Variants in PTPRK observed in about 807,000 individuals in gnomAD.
PTPRK encodes the protein protein tyrosine phosphatase receptor type K, also known as receptor-type tyrosine-protein phosphatase kappa.
In PTPRK, 75 loss-of-function variants were observed where a neutral mutation model predicts 178.0. The observed-to-expected ratio is 0.42, with a 90% CI of 0.35 to 0.51. PTPRK has a LOEUF of 0.51. PTPRK is among the 20% of genes least tolerant of loss of function. The pLI, the probability that PTPRK is intolerant of heterozygous loss-of-function variation, is 0.02. For synonymous variants in PTPRK, 637 were observed against 620.6 expected (o/e 1.03, Z -0.39); for missense variants, 1,441 against 1,797.8 (o/e 0.80, Z 3.59).
chr6:128,167,611 A>C (rs1799610196), intron 7 of PTPRK, among the ~76,000 whole-genome samples: 1 of 152,026 alleles, frequency 6.6e-6, no homozygotes, highest in Non-Finnish European at 1.5e-5. Context: ...AATTTCCTAT[A>C]AAAATAATTC....
intron 7 of PTPRK, among the ~76,000 whole-genome samples, chr6:128,093,320 A>G (rs1787310086): frequency 6.6e-6 from 1 of 152,130 alleles, no homozygotes; most frequent in Admixed American, 6.6e-5. Context: ...GATGCTGGGC[A>G]TGGTGGCTCA....
intron 7 of PTPRK, among the ~76,000 whole-genome samples, chr6:128,101,824 C>T (rs1788838808): frequency 6.6e-6 from 1 of 152,166 alleles, no homozygotes; most frequent in African/African-American, 2.4e-5. Flanking sequence ...GTACCATTAT[C>T]TATTTCATTC....
chr6:128,170,890 C>T (rs779431829), intron 7 of PTPRK, among the ~76,000 whole-genome samples: 13 of 150,316 alleles, frequency 8.6e-5, no homozygotes, highest in Non-Finnish European at 1.6e-4. Flanking sequence ...AGACATAAGC[C>T]CTAGTAAGAA....
chr6:128,219,946 T>C (rs1179995118), intron 5 of PTPRK, among the ~76,000 whole-genome samples: 1 of 152,198 alleles, frequency 6.6e-6, no homozygotes, highest in Non-Finnish European at 1.5e-5. Context: ...CTCTTTGGCA[T>C]TAATGACAGC....
At chr6:128,215,355 A>C (rs764440374) in intron 6 of PTPRK, among the ~76,000 whole-genome samples, 1 of 152,168 alleles carries the variant, frequency 6.6e-6, no homozygotes, top group Non-Finnish European at 1.5e-5. Flanking sequence ...TTTCAGTTTG[A>C]AGCTTGGTGC....
intron 2 of PTPRK, among the ~76,000 whole-genome samples, chr6:128,349,428 T>A (rs897508169): frequency 2.0e-5 from 3 of 152,124 alleles, no homozygotes; most frequent in African/African-American, 7.2e-5. Flanking sequence ...TGTAGTTTAA[T>A]GCTTTCATGA....
chr6:128,218,983 G>A lies in PTPRK; in HGVS notation c.807C>T (p.Arg269=). The change falls in exon 6 of 30, where the codon CGC becomes CGT. Residue 269 remains arginine, a synonymous_variant. Coordinates refer to ENST00000368226, the MANE Select transcript of PTPRK (RefSeq NM_002844.4). ...EVTKTDQDLY[R]CVTQSERGSG... is the part of the protein sequence containing the mutation. ...AACCTCGTTCTGACTGAGTTACACA[G>A]CGATACAAATCCTGGTCAGTTTTTG... The A allele has an allele frequency of 6.2e-7, 1 of 1,614,056 alleles. No individual in the cohort carries two copies. The highest frequency in any genetic ancestry group is 1.6e-4 in the Middle Eastern group (1 of 6,062).
At chr6:128,159,050 C>A (rs1341962899) in intron 7 of PTPRK, among the ~76,000 whole-genome samples, 1 of 151,638 alleles carries the variant, frequency 6.6e-6, no homozygotes, top group Admixed American at 6.6e-5. Flanking sequence ...AGTTTCTGAA[C>A]ATATATGGGG....
intron 25 of PTPRK, 100 bp from the exon 26 acceptor site, chr6:127,977,154 G>A: frequency 8.3e-7 from 1 of 1,198,344 alleles, no homozygotes; most frequent in Non-Finnish European, 1.2e-6. Flanking sequence ...CCAGTAAGAT[G>A]CAATAGCTTC....
chr6:128,418,324 C>A (rs552024899), intron 1 of PTPRK, among the ~76,000 whole-genome samples: 1 of 152,192 alleles, frequency 6.6e-6, no homozygotes, highest in Non-Finnish European at 1.5e-5. Context: ...AGCAGGGGTC[C>A]CTAACCCCCA....
intron 13 of PTPRK, among the ~76,000 whole-genome samples, chr6:128,033,233 C>T (rs1446859614): frequency 6.6e-6 from 1 of 152,134 alleles, no homozygotes; most frequent in African/African-American, 2.4e-5. Flanking sequence ...AACGACAGAA[C>T]TAAGCTTTTA....
intron 2 of PTPRK, among the ~76,000 whole-genome samples, chr6:128,360,216 A>T (rs1386743700): frequency 6.6e-6 from 1 of 152,200 alleles, no homozygotes; most frequent in Non-Finnish European, 1.5e-5. Flanking sequence ...AAAGTTTAAG[A>T]AATTTTAACT....
At chr6:128,169,291 A>G (rs1231017317) in intron 7 of PTPRK, among the ~76,000 whole-genome samples, 4 of 152,112 alleles carry the variant, frequency 2.6e-5, no homozygotes, top group Non-Finnish European at 5.9e-5. Context: ...TTCAGCATCT[A>G]CATGTATGTC....
chr6:128,141,740 T>G (rs959213951), intron 7 of PTPRK, among the ~76,000 whole-genome samples: 1 of 152,022 alleles, frequency 6.6e-6, no homozygotes, highest in African/African-American at 2.4e-5. Context: ...TTTATTTACT[T>G]TGTTTATAAA....
chr6:128,246,709 G>C (rs930647882), intron 3 of PTPRK, among the ~76,000 whole-genome samples: 4 of 152,296 alleles, frequency 2.6e-5, no homozygotes, highest in Admixed American at 1.3e-4. Flanking sequence ...AGTCAACCAG[G>C]CTTCCCAGAA....
intron 1 of PTPRK, among the ~76,000 whole-genome samples, chr6:128,491,423 C>G (rs945344296): frequency 6.6e-6 from 1 of 152,062 alleles, no homozygotes; most frequent in African/African-American, 2.4e-5. Context: ...TCTCACATTC[C>G]CAGTGGGACA....
At chr6:128,004,789 C>T (rs985494423) in intron 15 of PTPRK, among the ~76,000 whole-genome samples, 6 of 151,750 alleles carry the variant, frequency 4.0e-5, no homozygotes, top group Non-Finnish European at 8.8e-5. Context: ...TGTAGGCAAT[C>T]GTGTATTTCC....
At chr6:128,057,266 A>T (rs1206870444) in intron 13 of PTPRK, among the ~76,000 whole-genome samples, 2 of 152,186 alleles carry the variant, frequency 1.3e-5, no homozygotes, top group East Asian at 3.9e-4. Flanking sequence ...TAGATATTGT[A>T]CAGAAAAGAG....
intron 15 of PTPRK, among the ~76,000 whole-genome samples, chr6:128,002,184 C>T (rs1455065720): frequency 2.0e-5 from 3 of 151,114 alleles, no homozygotes; most frequent in African/African-American, 4.9e-5. Context: ...TTTTACATAA[C>T]TGAGTTAGTT....
Sources: gnomAD v4.1 joint callset for allele counts (sites outside exome capture counted in the v4.1 genomes callset) on GRCh38, gnomAD v4.1.1 for gene constraint, MANE v1.5 for transcripts, NCBI Gene and HGNC (gene_info 2026-07-23, HGNC 2026-07-21) for gene names.